Variants in EML4 observed in about 807,000 individuals in gnomAD.
The protein encoded by EML4 is echinoderm microtubule-associated protein-like 4.
EML4 carries 72 observed loss-of-function variants against 129.0 expected under a neutral mutation model. The ratio of observed to expected loss-of-function variants is 0.56; its 90% confidence interval spans 0.46 to 0.68. EML4 has a LOEUF of 0.68. Among genes scored for constraint, EML4 ranks in the 30% least tolerant of loss-of-function variants. The pLI is 0.00. For missense variants in EML4, 1,363 were observed against 1,190.6 expected, an observed-to-expected ratio of 1.14 and a Z score of -2.13; for synonymous variants, 532 against 405.0, an observed-to-expected ratio of 1.31 and a Z score of -3.77.
At chr2:42,175,157 G>T (rs1310631270) in intron 1 of EML4, among the ~76,000 whole-genome samples, 1 of 151,462 alleles carries the variant, frequency 6.6e-6, no homozygotes, top group African/African-American at 2.4e-5. Flanking sequence ...CTATTGCCCA[G>T]GCTGGAGTGC....
chr2:42,214,448 T>C (rs541147948), intron 1 of EML4, among the ~76,000 whole-genome samples: 31 of 152,140 alleles, frequency 2.0e-4, no homozygotes, highest in Admixed American at 4.6e-4. Flanking sequence ...GATTTTTTTT[T>C]CCCATTTTTT....
At chr2:42,169,972 C>T (rs930456505) in intron 1 of EML4, 1 of 271,610 alleles carries the variant, frequency 3.7e-6, no homozygotes, top group Admixed American at 5.4e-5. Context: ...CCACTTACCC[C>T]CCTTCAGAGT....
At chr2:42,322,756 TAC>T (rs1012870903) in intron 19 of EML4, among the ~76,000 whole-genome samples, 30 of 152,340 alleles carry the variant, frequency 2.0e-4, no homozygotes, top group African/African-American at 6.7e-4. Flanking sequence ...AAGCTGTGCA[TAC>T]ACTTTGCATT....
chr2:42,203,983 C>G (rs933676710), intron 1 of EML4, among the ~76,000 whole-genome samples: 2 of 152,102 alleles, frequency 1.3e-5, no homozygotes, highest in African/African-American at 4.8e-5. Context: ...TGCAGTGACA[C>G]AATCATAGTG....
intron 1 of EML4, among the ~76,000 whole-genome samples, chr2:42,183,181 A>G (rs764304381): frequency 6.6e-6 from 1 of 152,208 alleles, no homozygotes; most frequent in African/African-American, 2.4e-5. Flanking sequence ...ATGGAAATCT[A>G]ATGATTTAAC....
intron 6 of EML4, among the ~76,000 whole-genome samples, chr2:42,272,321 A>C (rs1236419890): frequency 6.6e-6 from 1 of 152,216 alleles, no homozygotes; most frequent in Admixed American, 6.5e-5. Flanking sequence ...GAACAGTTTC[A>C]CCAAAAATAT....
At chr2:42,177,939 C>A (rs1670700289) in intron 1 of EML4, among the ~76,000 whole-genome samples, 1 of 152,224 alleles carries the variant, frequency 6.6e-6, no homozygotes, top group Middle Eastern at 3.4e-3. Context: ...TGTAAAATTT[C>A]TGTTGGTCAC....
intron 1 of EML4, among the ~76,000 whole-genome samples, chr2:42,183,510 T>C (rs1027108122): frequency 2.0e-5 from 3 of 152,214 alleles, no homozygotes; most frequent in African/African-American, 7.2e-5. Flanking sequence ...ACAACATTGA[T>C]AGCTGTCCTA....
At chr2:42,321,487 T>TA (rs1490981448) in intron 19 of EML4, among the ~76,000 whole-genome samples, 1 of 152,166 alleles carries the variant, frequency 6.6e-6, no homozygotes, top group African/African-American at 2.4e-5. Flanking sequence ...TAAGCCATCT[T>TA]ATTAGTATGT....
In EML4 at chr2:42,299,283, A is replaced by G. The variant is rs548237268; in HGVS notation, c.1490-1958A>G. ...CTCAAACTGAGACATAATTTTTTTT[A>G]GGATACCAAAGCCTTAGAAATTTTA... On this transcript the variant is annotated intron_variant, in intron 13 of 22. Transcript: ENST00000318522. Among the ~76,000 whole-genome samples, 38 of 152,314 alleles carry G rather than the reference A, an allele frequency of 2.5e-4. No homozygotes were observed. In the South Asian group the frequency reaches 7.3e-3, roughly 29 times the overall value.
intron 6 of EML4, among the ~76,000 whole-genome samples, chr2:42,275,146 A>G (rs1179110568): frequency 6.6e-6 from 1 of 152,234 alleles, no homozygotes; most frequent in South Asian, 2.1e-4. Flanking sequence ...TTAAAAAGTC[A>G]CAAGTAATAT....
rs775650829 is a variant in EML4 at position 42,261,303 on chromosome 2, T to G, written c.512+9T>G. ...GCTACTCCCACCAAAAGGTTTTAAC[T>G]GTCCCCAAGTACAGAGCTAGGGAAT... On this transcript the variant is annotated intron_variant, in intron 4 of 22. Coordinates refer to ENST00000318522, the MANE Select transcript of EML4 (RefSeq NM_019063.5). 4.4e-6 allele frequency: 7 copies of G among 1,608,434 alleles called. No individual in the cohort carries two copies. Among genetic ancestry groups the G allele is most frequent in the African/African-American group, 1.3e-5 (1 of 74,642 alleles).
intron 17 of EML4, among the ~76,000 whole-genome samples, chr2:42,315,628 C>G (rs1444503351): frequency 6.6e-6 from 1 of 152,172 alleles, no homozygotes; most frequent in East Asian, 1.9e-4. Flanking sequence ...AATCTCATTA[C>G]TTTGGGAGGC....
chr2:42,172,229 T>A (rs1254834601), intron 1 of EML4, among the ~76,000 whole-genome samples: 3 of 152,190 alleles, frequency 2.0e-5, no homozygotes, highest in Non-Finnish European at 4.4e-5. Context: ...TTGAGTACTT[T>A]ATAAACAGAA....
rs1297760669 is a variant in EML4, at chr2:42,263,171, C to T, written c.513-7C>T. 2 of 1,605,148 alleles carry T rather than the reference C, an allele frequency of 1.2e-6. No individual in the cohort carries two copies. The highest frequency in any genetic ancestry group is 8.5e-7 in the Non-Finnish European group (1 of 1,177,064). ...ATTTTTCTCTAAGAAATTAATGTTC[C>T]TTCTAGCATAAAACGACCATCACCA... On this transcript the variant is annotated splice_region_variant and splice_polypyrimidine_tract_variant and intron_variant, in intron 4 of 22. Coordinates refer to ENST00000318522, the MANE Select transcript of EML4 (RefSeq NM_019063.5).
At chr2:42,294,256 C>G (rs1009584532) in intron 11 of EML4, among the ~76,000 whole-genome samples, 2 of 152,108 alleles carry the variant, frequency 1.3e-5, no homozygotes, top group African/African-American at 4.8e-5. Flanking sequence ...CCTGTCTTTG[C>G]TAGATTTTTT....
chr2:42,306,524 G>C (rs932877898), intron 17 of EML4, among the ~76,000 whole-genome samples: 3 of 76,246 alleles, frequency 3.9e-5, no homozygotes, highest in Admixed American at 3.7e-4. Flanking sequence ...ATAGAGTCTC[G>C]CTCTGTCACC....
At chr2:42,239,371 G>A (rs1007923726) in intron 1 of EML4, among the ~76,000 whole-genome samples, 3 of 152,130 alleles carry the variant, frequency 2.0e-5, no homozygotes, top group African/African-American at 7.2e-5. Context: ...TTTCTCAACA[G>A]TTCAGAAAAA....
At chr2:42,284,751 A>T in intron 9 of EML4, 48 bp downstream of exon 9, 1 of 1,380,066 alleles carries the variant, frequency 7.2e-7, no homozygotes, top group South Asian at 1.3e-5. Flanking sequence ...CATTGCTGTT[A>T]GAGTGGAATC....
Sources: gnomAD v4.1 joint callset for allele counts (sites outside exome capture counted in the v4.1 genomes callset) on GRCh38, gnomAD v4.1.1 for gene constraint, MANE v1.5 for transcripts, NCBI Gene and HGNC (gene_info 2026-07-23, HGNC 2026-07-21) for gene names.